Variants in PKHD1 observed in about 807,000 individuals in gnomAD.
PKHD1 encodes the protein fibrocystin.
In PKHD1, 291 loss-of-function variants were observed where a neutral mutation model predicts 412.0. The observed-to-expected ratio is 0.71, with a 90% confidence interval of 0.64 to 0.78. The LOEUF (loss-of-function observed/expected upper bound fraction) is 0.78, where lower values mean the gene tolerates loss of function less well. Ranked by LOEUF, PKHD1 falls within the 30% of genes least tolerant of loss-of-function variation. The pLI is 0.00. For missense variants in PKHD1, 4,825 were observed against 4,950.7 expected, an observed-to-expected ratio of 0.97 and a Z score of 0.76; for synonymous variants, 1,777 against 1,821.5, an observed-to-expected ratio of 0.98 and a Z score of 0.62.
chr6:51,946,127 T>C (rs1321001100), intron 36 of PKHD1, among the ~76,000 whole-genome samples: 1 of 152,148 alleles, frequency 6.6e-6, no homozygotes, highest in African/African-American at 2.4e-5. Flanking sequence ...CTGAAACAAA[T>C]TGGTAGAAAT....
intron 60 of PKHD1, among the ~76,000 whole-genome samples, chr6:51,702,492 G>C (rs946016379): frequency 3.3e-5 from 5 of 151,584 alleles, no homozygotes; most frequent in Admixed American, 2.6e-4. Context: ...ACACTGCTCG[G>C]GTGATGGGTG....
At chr6:51,838,276 A>G (rs1769587501) in intron 50 of PKHD1, among the ~76,000 whole-genome samples, 1 of 152,214 alleles carries the variant, frequency 6.6e-6, no homozygotes, top group Non-Finnish European at 1.5e-5. Flanking sequence ...GCACCTTATG[A>G]GACCAGATAT....
At chr6:52,058,205 T>C (rs185929309) in intron 16 of PKHD1, 118 bp downstream of exon 16, 1 of 906,238 alleles carries the variant, frequency 1.1e-6, no homozygotes, top group Non-Finnish European at 1.8e-6. Flanking sequence ...ATCCTATTTC[T>C]TTGACAGCAA....
intron 55 of PKHD1, among the ~76,000 whole-genome samples, chr6:51,766,363 T>C (rs973398705): frequency 6.6e-6 from 1 of 152,124 alleles, no homozygotes. Flanking sequence ...TATTTCTTTA[T>C]CTACAAAACT....
intron 29 of PKHD1, among the ~76,000 whole-genome samples, chr6:52,029,641 A>G (rs4492193): frequency 0.42 from 64,506 of 152,120 alleles, 15,448 homozygotes; most frequent in Admixed American, 0.56. Flanking sequence ...ATTTATTTCT[A>G]GAAATTTCAC....
rs1447403644 is a variant in PKHD1 at position 51,705,695 on chromosome 6, T to C, written c.10156+38690A>G. On this transcript the variant is annotated intron_variant, in intron 60 of 66. Transcript: ENST00000371117. ...TAGTTGGACCTTAAAGGCTTTTTACTGACAGCAATTTTCTATTAAAGTGCA... is the reference window on the plus strand; with the variant it reads ...TAGTTGGACCTTAAAGGCTTTTTACCGACAGCAATTTTCTATTAAAGTGCA... 3.3e-5 allele frequency among the ~76,000 whole-genome samples: 5 copies of C among 152,122 alleles called. No homozygotes were observed. The East Asian group carries it at 7.7e-4, about 23-fold the overall frequency.
chr6:51,763,238 A>G (rs1486811023), intron 55 of PKHD1, among the ~76,000 whole-genome samples: 2 of 152,130 alleles, frequency 1.3e-5, no homozygotes, highest in Admixed American at 1.3e-4. Context: ...TGCAGATAAT[A>G]ATACCTAACT....
intron 60 of PKHD1, among the ~76,000 whole-genome samples, chr6:51,713,621 CT>C (rs1476056063): frequency 6.6e-6 from 1 of 152,150 alleles, no homozygotes; most frequent in African/African-American, 2.4e-5. Context: ...AAACTGACTC[CT>C]TTTGGAGTCA....
chr6:51,618,893 T>C lies in PKHD1; in HGVS notation c.*188A>G. On this transcript the variant is annotated 3_prime_UTR_variant, in exon 67 of 67. Transcript: ENST00000371117. Reference sequence around the variant, plus strand: ...AGGATCATGATAGCTGCAAAATATGTATGAGACATTTTTCAGTCTGTAAGC... The same window carrying C: ...AGGATCATGATAGCTGCAAAATATGCATGAGACATTTTTCAGTCTGTAAGC... 1 of 634,954 alleles carries C rather than the reference T, an allele frequency of 1.6e-6. No homozygotes were observed. 39.3% of individuals were successfully genotyped at this position (634,954 alleles called of 1,614,324 possible). A position where few individuals can be genotyped will look rare whatever the true frequency, so the allele number is the denominator to read the frequency against.
At chr6:51,645,560 A>G (rs1027436231) in intron 63 of PKHD1, among the ~76,000 whole-genome samples, 1 of 151,868 alleles carries the variant, frequency 6.6e-6, no homozygotes, top group East Asian at 1.9e-4. Flanking sequence ...TGCCCGGCTA[A>G]TTTTTGCATT....
At chr6:51,753,114 A>G (rs1290502428) in intron 57 of PKHD1, 87 bp downstream of exon 57, 32 of 1,196,916 alleles carry the variant, frequency 2.7e-5, no homozygotes, top group Non-Finnish European at 3.9e-5. Context: ...TGTTTTATAA[A>G]TGAAAATTCT....
chr6:51,715,476 G>T (rs1201816850), intron 60 of PKHD1, among the ~76,000 whole-genome samples: 1 of 152,128 alleles, frequency 6.6e-6, no homozygotes, highest in Non-Finnish European at 1.5e-5. Context: ...TACCTAGTAT[G>T]CCTAGAATTA....
intron 54 of PKHD1, among the ~76,000 whole-genome samples, chr6:51,774,078 T>G (rs1199739705): frequency 2.0e-5 from 3 of 151,932 alleles, no homozygotes; most frequent in African/African-American, 7.2e-5. Context: ...TAAAGAGATT[T>G]TCAACCAAAG....
At chr6:51,832,219 G>A (rs1200190976) in intron 51 of PKHD1, among the ~76,000 whole-genome samples, 4 of 152,034 alleles carry the variant, frequency 2.6e-5, no homozygotes, top group East Asian at 3.9e-4. Context: ...ACCTGATCAC[G>A]AAAGGAAGCA....
At chr6:52,030,533 G>T (rs770929259) in intron 29 of PKHD1, among the ~76,000 whole-genome samples, 1 of 152,088 alleles carries the variant, frequency 6.6e-6, no homozygotes, top group Admixed American at 6.5e-5. Context: ...ACATGACTAC[G>T]AGGTGACAGT....
chr6:52,086,924 T>C (rs1812875238), intron 1 of PKHD1, among the ~76,000 whole-genome samples: 2 of 152,214 alleles, frequency 1.3e-5, no homozygotes, highest in Admixed American at 1.3e-4. Context: ...ACTTGCTTGT[T>C]ACACAGACAA....
chr6:51,882,849 C>G (rs186146765), intron 46 of PKHD1, among the ~76,000 whole-genome samples: 1 of 152,336 alleles, frequency 6.6e-6, no homozygotes, highest in African/African-American at 2.4e-5. Flanking sequence ...AAATAAAATT[C>G]TGTCAGCTAC....
chr6:51,860,154 C>G (rs929190052), intron 48 of PKHD1, among the ~76,000 whole-genome samples: 1 of 152,180 alleles, frequency 6.6e-6, no homozygotes, highest in African/African-American at 2.4e-5. Context: ...ATCATATATA[C>G]TACACTTTTA....
rs750648556 is a variant in PKHD1 at position 51,626,986 on chromosome 6, T to G, written c.11785+11A>C. ...TCTCCTGTGGGGATCATCTCCACCC[T>G]CCAAGCTTACCTTCTCCCACCACAG... is the stretch of plus-strand genomic sequence containing the variant. On this transcript the variant is annotated intron_variant, in intron 66 of 66. Coordinates refer to ENST00000371117, the MANE Select transcript of PKHD1 (RefSeq NM_138694.4). The G allele has an allele frequency of 6.2e-7, 1 of 1,613,090 alleles. No homozygotes were observed. Among genetic ancestry groups the G allele is most frequent in the South Asian group, 1.1e-5 (1 of 91,080 alleles).
Sources: allele counts gnomAD v4.1 joint callset (sites outside exome capture counted in the v4.1 genomes callset), GRCh38; gene constraint gnomAD v4.1.1; transcripts MANE v1.5; gene names NCBI Gene and HGNC (gene_info 2026-07-23, HGNC 2026-07-21).